LRRTM4: variants seen among roughly 807,000 people sequenced by gnomAD.
LRRTM4 encodes leucine-rich repeat transmembrane neuronal protein 4.
In LRRTM4, 25 loss-of-function variants were observed where a neutral mutation model predicts 47.6. The ratio of observed to expected loss-of-function variants is 0.53; its 90% confidence interval spans 0.38 to 0.73. LRRTM4 has a LOEUF of 0.73. LRRTM4 is among the 30% of genes least tolerant of loss of function. LRRTM4 has a pLI of 0.00. For missense variants in LRRTM4, 638 were observed against 713.4 expected, an observed-to-expected ratio of 0.89 and a Z score of 1.20; for synonymous variants, 311 against 269.5, an observed-to-expected ratio of 1.15 and a Z score of -1.51.
At chr2:77,228,885 G>T (rs1674888499) in intron 3 of LRRTM4, among the ~76,000 whole-genome samples, 1 of 152,128 alleles carries the variant, frequency 6.6e-6, no homozygotes, top group African/African-American at 2.4e-5. Flanking sequence ...CCACACATCT[G>T]TTACCTCTCC....
At chr2:77,516,885 T>C (rs1679225925) in intron 3 of LRRTM4, 1 of 984,804 alleles carries the variant, frequency 1.0e-6, no homozygotes, top group Non-Finnish European at 1.2e-6. Context: ...TTAGCATTTG[T>C]AGTTAGGACT....
In LRRTM4 at chr2:77,031,121, ATAT is replaced by A. The variant is rs1374476583; in HGVS notation, c.1552-282208_1552-282206del. ...TCTTATGTAGAACATACATTTACAG[ATAT>A]TATAATTTTTCTGTTATTTATATAG... is the stretch of plus-strand genomic sequence containing the variant. On this transcript the variant is annotated intron_variant, in intron 3 of 3. Transcript: ENST00000409884. 5.3e-5 allele frequency among the ~76,000 whole-genome samples: 8 copies of A among 152,294 alleles called. No individual in the cohort carries two copies. In the East Asian group the frequency reaches 7.7e-4, roughly 15 times the overall value.
At chr2:76,843,336 G>T (rs576331183) in intron 3 of LRRTM4, among the ~76,000 whole-genome samples, 1 of 152,198 alleles carries the variant, frequency 6.6e-6, no homozygotes, top group African/African-American at 2.4e-5. Context: ...ATTTAAGATT[G>T]ACTTCTAAAG....
At chr2:76,915,864 A>G (rs1210786897) in intron 3 of LRRTM4, among the ~76,000 whole-genome samples, 1 of 152,206 alleles carries the variant, frequency 6.6e-6, no homozygotes, top group Non-Finnish European at 1.5e-5. Context: ...TTCTACTTCT[A>G]TAAAAGTAGA....
chr2:77,037,268 G>A (rs1202899396), intron 3 of LRRTM4, among the ~76,000 whole-genome samples: 2 of 151,684 alleles, frequency 1.3e-5, no homozygotes, highest in Non-Finnish European at 3.0e-5. Flanking sequence ...CCAATTAAAA[G>A]GGAGTTAAAA....
At chr2:77,033,965 T>G (rs558859935) in intron 3 of LRRTM4, among the ~76,000 whole-genome samples, 1 of 151,978 alleles carries the variant, frequency 6.6e-6, no homozygotes, top group Non-Finnish European at 1.5e-5. Context: ...GCTGAAACTA[T>G]AATACAATCA....
chr2:77,519,578 A>T lies in LRRTM4; in HGVS notation c.291T>A (p.Ile97=). 1 of 1,613,504 alleles carries T rather than the reference A, an allele frequency of 6.2e-7. No individual in the cohort carries two copies. Among genetic ancestry groups the T allele is most frequent in the Non-Finnish European group, 8.5e-7 (1 of 1,179,652 alleles). Residue 97 remains isoleucine, a synonymous_variant, in exon 3 of 4, where the codon ATT becomes ATA. Coordinates refer to ENST00000409884, the MANE Select transcript of LRRTM4 (RefSeq NM_001134745.3). The surrounding 1 kb of genome is among the most constrained non-coding windows in gnomAD (Gnocchi z 4.6). ...GAAATGCATCTTCATCCACTGAGCT[A>T]ATGTAATTATGGTCAAGATAAAGCC... The part of the protein sequence containing the change: ...LIWLYLDHNY[I]SSVDEDAFQG...
intron 3 of LRRTM4, among the ~76,000 whole-genome samples, chr2:77,051,223 A>T (rs1228937175): frequency 6.6e-6 from 1 of 152,022 alleles, no homozygotes; most frequent in African/African-American, 2.4e-5. Flanking sequence ...TCACACAACA[A>T]AGAACTATCT....
chr2:77,032,337 C>G (rs578042679), intron 3 of LRRTM4, among the ~76,000 whole-genome samples: 2 of 152,180 alleles, frequency 1.3e-5, no homozygotes, highest in South Asian at 2.1e-4. Flanking sequence ...ATAACAACTC[C>G]AAGCTTATTC....
At chr2:76,758,631 A>G (rs1366802278) in intron 3 of LRRTM4, among the ~76,000 whole-genome samples, 10 of 152,194 alleles carry the variant, frequency 6.6e-5, no homozygotes, top group Non-Finnish European at 1.2e-4. Flanking sequence ...CACAAATAAT[A>G]CTGGTCTCAT....
At chr2:76,977,009 CTGTGTGTGT>C (rs1347337938) in intron 3 of LRRTM4, among the ~76,000 whole-genome samples, 1 of 55,008 alleles carries the variant, frequency 1.8e-5, no homozygotes, top group African/African-American at 4.8e-4. Flanking sequence ...CATTAATAGG[CTGTGTGTGT>C]TTGTGTGTGT....
At chr2:76,956,957 A>G (rs1431624532) in intron 3 of LRRTM4, among the ~76,000 whole-genome samples, 1 of 151,688 alleles carries the variant, frequency 6.6e-6, no homozygotes, top group African/African-American at 2.4e-5. Flanking sequence ...CTTCCCAAAA[A>G]AGAAAAGTTC....
intron 3 of LRRTM4, among the ~76,000 whole-genome samples, chr2:76,825,078 C>T (rs1240942846): frequency 6.6e-6 from 1 of 151,466 alleles, no homozygotes; most frequent in Non-Finnish European, 1.5e-5. Flanking sequence ...AGACCTAGAG[C>T]TCAGTCTCAT....
At chr2:76,834,571 C>A (rs769021299) in intron 3 of LRRTM4, among the ~76,000 whole-genome samples, 7 of 151,910 alleles carry the variant, frequency 4.6e-5, no homozygotes, top group Non-Finnish European at 8.8e-5. Flanking sequence ...TAATTATAAT[C>A]ATATTTTCAA....
At position 77,229,210 on chromosome 2, in the gene LRRTM4, T is replaced by A. The variant is rs376113286; in HGVS notation, c.1551+289108A>T. ...ATTCATAAATTGTAAAATTAGAATG[T>A]CCTAGTTTTTGGTCCTTCTTTATAC... On this transcript the variant is annotated intron_variant, in intron 3 of 3. Coordinates refer to ENST00000409884, the MANE Select transcript of LRRTM4 (RefSeq NM_001134745.3). Among the ~76,000 whole-genome samples the A allele has an allele frequency of 3.3e-5, 5 of 152,258 alleles. No homozygotes were observed. In the East Asian group the frequency reaches 7.7e-4, roughly 24 times the overall value.
intron 3 of LRRTM4, among the ~76,000 whole-genome samples, chr2:77,457,000 GTGTGTATATATA>G (rs1332267098): frequency 4.0e-5 from 1 of 24,702 alleles, no homozygotes; most frequent in Non-Finnish European, 8.5e-5. Context: ...GTATGTGTGT[GTGTGTATATATA>G]TATATATATA....
At chr2:77,467,071 C>T (rs1425885202) in intron 3 of LRRTM4, among the ~76,000 whole-genome samples, 1 of 152,144 alleles carries the variant, frequency 6.6e-6, no homozygotes, top group Non-Finnish European at 1.5e-5. Context: ...CTAAATTTCA[C>T]ATGCTAACTT....
chr2:77,019,961 C>A (rs1483227423), intron 3 of LRRTM4, among the ~76,000 whole-genome samples: 1 of 151,644 alleles, frequency 6.6e-6, no homozygotes, highest in Non-Finnish European at 1.5e-5. Context: ...TTATTGGAGG[C>A]TGAAAAAAAT....
chr2:77,058,616 A>C (rs1679685922), intron 3 of LRRTM4, among the ~76,000 whole-genome samples: 1 of 152,026 alleles, frequency 6.6e-6, no homozygotes, highest in Non-Finnish European at 1.5e-5. Flanking sequence ...TTGTATTCCC[A>C]ATATATTTCA....
Sources: allele counts gnomAD v4.1 joint callset (sites outside exome capture counted in the v4.1 genomes callset), GRCh38; gene constraint gnomAD v4.1.1; non-coding constraint Gnocchi (gnomAD v3.1); transcripts MANE v1.5; gene names NCBI Gene and HGNC (gene_info 2026-07-23, HGNC 2026-07-21).